The following YJU2B variants were observed in gnomAD, a reference collection of about 807,000 sequenced individuals.
YJU2B encodes YJU2 splicing factor homolog B.
YJU2B carries 18 observed loss-of-function variants against 38.0 expected under a neutral mutation model. The observed-to-expected ratio is 0.47, with a 90% CI of 0.33 to 0.70. The LOEUF (loss-of-function observed/expected upper bound fraction) is 0.70, where lower values mean the gene tolerates loss of function less well. YJU2B is among the 30% of genes least tolerant of loss of function. The pLI, the probability that YJU2B is intolerant of heterozygous loss-of-function variation, is 0.02. For synonymous variants in YJU2B, 246 were observed against 225.4 expected, an observed-to-expected ratio of 1.09 and a Z score of -0.82; for missense variants, 538 against 556.3, an observed-to-expected ratio of 0.97 and a Z score of 0.33.
chr19:13,759,182 G>A lies in YJU2B; in HGVS notation c.483G>A (p.Lys161=), dbSNP rs752915329. 2.5e-6 allele frequency: 4 copies of A among 1,613,524 alleles called. No homozygotes were observed. Among genetic ancestry groups the A allele is most frequent in the Non-Finnish European group, 3.4e-6 (4 of 1,179,786 alleles). Reference sequence around the variant, plus strand: ...AGGCCGACCGCAGCACACTCAAGAAGGCGCTGCCCACACTGAGCCACATCC... The same window carrying A: ...AGGCCGACCGCAGCACACTCAAGAAAGCGCTGCCCACACTGAGCCACATCC... ...HGEADRSTLK[K]ALPTLSHIQE... is the part of the protein sequence containing the mutation. Residue 161 remains lysine, a synonymous_variant, in exon 8 of 10, where the codon AAG becomes AAA. Transcript: ENST00000221554.
chr19:13,741,641 G>A (rs1173426661), intron 2 of YJU2B, among the ~76,000 whole-genome samples: 2 of 151,964 alleles, frequency 1.3e-5, no homozygotes, highest in African/African-American at 4.8e-5. Flanking sequence ...AAAAGCTGAG[G>A]TGTGAGGACG....
rs937845208 is a variant in YJU2B, at chr19:13,751,589, ACT to A, written c.-201-12_-201-11del. The A allele has an allele frequency of 9.5e-5, 55 of 580,246 alleles. No individual in the cohort carries two copies. The highest frequency in any genetic ancestry group is 8.7e-4 in the African/African-American group (46 of 53,074). 35.9% of individuals were successfully genotyped at this position (580,246 alleles called of 1,614,324 possible). A position where few individuals can be genotyped will look rare whatever the true frequency, so the allele number is the denominator to read the frequency against. On this transcript the variant is annotated splice_polypyrimidine_tract_variant and intron_variant, in intron 1 of 9. Transcript: ENST00000221554. ...GTATATTGGCTGTAGAGTGGACGGG[ACT>A]CTCTCTTTCTAAACAGACACGCCGC...
chr19:13,748,907 G>A (rs1252267061), intron 1 of YJU2B, among the ~76,000 whole-genome samples: 1 of 152,200 alleles, frequency 6.6e-6, no homozygotes, highest in Admixed American at 6.5e-5. Context: ...ACAAGACTAA[G>A]GTGAGGGTAG....
chr19:13,754,757 G>T (rs146606559), intron 3 of YJU2B, among the ~76,000 whole-genome samples: 4 of 152,144 alleles, frequency 2.6e-5, no homozygotes, highest in African/African-American at 9.6e-5. Flanking sequence ...GTTCTCTGTT[G>T]CATTGCTGAG....
At position 13,757,803 on chromosome 19, in the gene YJU2B, G is replaced by C; in HGVS notation, c.214G>C (p.Glu72Gln). 1 of 1,614,076 alleles carries C rather than the reference G, an allele frequency of 6.2e-7. No individual in the cohort carries two copies. The highest frequency in any genetic ancestry group is 8.5e-7 in the Non-Finnish European group (1 of 1,180,008). The stretch of plus-strand genomic sequence containing the variant: ...CCTTCCAGGTGTTCGTTACAATGCA[G>C]AAAAGAAGAAGGTGGGCAATTACTA... ...HIGMGVRYNAEKKKVGNYYTT... is the reference protein window; with the variant it reads ...HIGMGVRYNAQKKKVGNYYTT... Residue 72 changes from glutamate to glutamine, a missense_variant, in exon 6 of 10, where the codon GAA becomes CAA. By Grantham distance (29) the Glu-to-Gln change is conservative. Around this residue, in one of 2 missense-constraint regions of YJU2B, gnomAD observed 488 missense variants for 469.5 expected, o/e 1.04. Coordinates refer to ENST00000221554, the MANE Select transcript of YJU2B (RefSeq NM_030818.4).
intron 4 of YJU2B, 139 bp downstream of exon 4, chr19:13,756,418 T>G: frequency 1.5e-6 from 1 of 681,046 alleles, no homozygotes; most frequent in Non-Finnish European, 2.6e-6. Flanking sequence ...AGTCAGTTAT[T>G]GCCGTGTGAC....
chr19:13,745,692 T>TAGATAGATAGATAG (rs57681294), upstream of YJU2B, among the ~76,000 whole-genome samples: 9 of 93,306 alleles, frequency 9.6e-5, no homozygotes, highest in African/African-American at 3.1e-4. Context: ...GATAGATAGA[T>TAGATAGATAGATAG]ATAGATATAT....
rs1973921312 is a variant in YJU2B, at chr19:13,762,338, C to A, written c.613C>A (p.Gln205Lys). Residue 205 changes from glutamine to lysine, a missense_variant, in exon 9 of 10, where the codon CAG becomes AAG. Gln to Lys is a moderately conservative substitution (Grantham distance 53). Transcript: ENST00000221554. ...KAIQEEEERDQALQAKASLTI... is the reference protein window; with the variant it reads ...KAIQEEEERDKALQAKASLTI... ...CATCCAGGAGGAGGAGGAGAGAGACCAGGCCTTGCAGGCCAAGGCGAGCCT... is the reference window on the plus strand; with the variant it reads ...CATCCAGGAGGAGGAGGAGAGAGACAAGGCCTTGCAGGCCAAGGCGAGCCT... 1 of 1,613,894 alleles carries A rather than the reference C, an allele frequency of 6.2e-7. No individual in the cohort carries two copies. Among genetic ancestry groups the A allele is most frequent in the Non-Finnish European group, 8.5e-7 (1 of 1,180,012 alleles).
chr19:13,759,007 A>G lies in YJU2B; in HGVS notation c.397A>G (p.Thr133Ala). ...GGCGGACAATGAGCAGGTGCTGACC[A>G]CAGGTGAGCGCCACCCACTTACCTG... The part of the protein sequence containing the change: ...DMADNEQVLT[T>A]EHEKKQKLET... The change falls in exon 7 of 10, where the codon ACA becomes GCA. Residue 133 changes from threonine (T) to alanine (A), a missense_variant. Thr to Ala is a moderately conservative substitution (Grantham distance 58, BLOSUM62 0). Coordinates refer to ENST00000221554, the MANE Select transcript of YJU2B (RefSeq NM_030818.4). The G allele has an allele frequency of 6.2e-7, 1 of 1,613,146 alleles. No individual in the cohort carries two copies. The highest frequency in any genetic ancestry group is 8.5e-7 in the Non-Finnish European group (1 of 1,179,550).
Position 13,757,645 on chromosome 19 carries a change from T to C in YJU2B, c.197-141T>C. On this transcript the variant is annotated intron_variant, in intron 5 of 9. Transcript: ENST00000221554. The stretch of plus-strand genomic sequence containing the variant: ...TTGCAGAGGGATTAGGAAGCCAGGC[T>C]CTGGCTTCCAATCCCGTCTCTAACT... The C allele has an allele frequency of 1.3e-5, 14 of 1,074,804 alleles. 1 individual carries two copies. In the South Asian group the frequency reaches 1.4e-4, roughly 11 times the overall value. 66.6% of individuals were successfully genotyped at this position (1,074,804 alleles called of 1,614,324 possible).
rs1012484767 is a variant in YJU2B at position 13,757,928 on chromosome 19, G to A, written c.257+82G>A. ...GCTACAAAGAGCCTGAGTTGCGGGG[G>A]GAACCCATTCCCTGCAGGACTCCTG... On this transcript the variant is annotated intron_variant, in intron 6 of 9. Coordinates refer to ENST00000221554, the MANE Select transcript of YJU2B (RefSeq NM_030818.4). The A allele has an allele frequency of 2.2e-5, 27 of 1,243,634 alleles. No individual in the cohort carries two copies. The Admixed American group carries it at 3.5e-4, about 16-fold the overall frequency. The allele number at this position is 1,243,634 out of a possible 1,614,324, so 77.0% of individuals were successfully genotyped here. A position where few individuals can be genotyped will look rare whatever the true frequency, so the allele number is the denominator to read the frequency against.
At chr19:13,752,882 A>C (rs1042546579) in intron 2 of YJU2B, among the ~76,000 whole-genome samples, 4 of 151,742 alleles carry the variant, frequency 2.6e-5, no homozygotes, top group African/African-American at 4.8e-5. Flanking sequence ...CACTGCACCC[A>C]AGCCTGCGTG....
chr19:13,739,777 C>G lies in YJU2B; in HGVS notation c.-202+7492C>G, dbSNP rs140976144. Reference sequence around the variant, plus strand: ...TAAGTTCTGGGATACATGTGCAGAACGTGCAGGTTTGTTACACAGCTATAT... The same window carrying G: ...TAAGTTCTGGGATACATGTGCAGAAGGTGCAGGTTTGTTACACAGCTATAT... On this transcript the variant is annotated intron_variant, in intron 2 of 10. Transcript: ENST00000586600. Among the ~76,000 whole-genome samples, 1,242 of 152,126 alleles carry G rather than the reference C, an allele frequency of 8.2e-3. 16 individuals carry two copies. Among genetic ancestry groups the G allele is most frequent in the African/African-American group, 0.029 (1,194 of 41,504 alleles).
intron 2 of YJU2B, among the ~76,000 whole-genome samples, chr19:13,742,689 C>T (rs1399190800): frequency 6.6e-6 from 1 of 152,206 alleles, no homozygotes; most frequent in Non-Finnish European, 1.5e-5. Flanking sequence ...CCATCACTTG[C>T]CCTGTGCATT....
In YJU2B at chr19:13,742,294, C is replaced by CTTTTT. The variant is rs552865402; in HGVS notation, c.-201-9290_-201-9286dup. Reference sequence around the variant, plus strand: ...CCATCTGGTCCTTCTTTGAGTCCCACTTTTTTTTTTTTTTTTTTTTTTTTT... The same window carrying CTTTTT: ...CCATCTGGTCCTTCTTTGAGTCCCACTTTTTTTTTTTTTTTTTTTTTTTTTTTTTT... On this transcript the variant is annotated intron_variant, in intron 2 of 10. Coordinates refer to the YJU2B transcript ENST00000586600. Among the ~76,000 whole-genome samples, 22 of 111,978 alleles carry CTTTTT rather than the reference C, an allele frequency of 2.0e-4. 1 individual carries two copies. Among genetic ancestry groups the CTTTTT allele is most frequent in the African/African-American group, 6.5e-4 (18 of 27,644 alleles). 73.5% of individuals were successfully genotyped at this position (111,978 alleles called of 152,430 possible).
rs1973800911 is a variant in YJU2B, at chr19:13,759,435, C to G, written c.573+163C>G. The stretch of plus-strand genomic sequence containing the variant: ...TGACCATGCCCTGTCTTAATCCATT[C>G]TGGCTACTATAATAAAAAATACCAT... On this transcript the variant is annotated intron_variant, in intron 8 of 9. Transcript: ENST00000221554. The G allele has an allele frequency of 5.0e-6, 3 of 602,846 alleles. No individual in the cohort carries two copies. In the East Asian group the frequency reaches 8.9e-5, roughly 18 times the overall value. The allele number at this position is 602,846 out of a possible 1,614,324, so 37.3% of individuals were successfully genotyped here.
Position 13,753,574 on chromosome 19 carries a change from C to CAAA in YJU2B, c.4-693_4-691dup, listed in dbSNP as rs34397712. On this transcript the variant is annotated intron_variant, in intron 2 of 9. Coordinates refer to ENST00000221554, the MANE Select transcript of YJU2B (RefSeq NM_030818.4). ...GGGCAACAAGAGTGAAACTCTGTCT[C>CAAA]AAAAAAAAAAAAAAAAAAAAAAAAG... Among the ~76,000 whole-genome samples the CAAA allele has an allele frequency of 1.4e-3, 97 of 71,716 alleles. 1 individual carries two copies. The highest frequency in any genetic ancestry group is 3.4e-3 in the East Asian group (7 of 2,036). The allele number at this position is 71,716 out of a possible 152,430, so 47.0% of individuals were successfully genotyped here.
upstream of YJU2B, among the ~76,000 whole-genome samples, chr19:13,745,746 T>TAG (rs1032053698): frequency 3.5e-5 from 5 of 142,394 alleles, no homozygotes; most frequent in African/African-American, 1.1e-4. Context: ...TATATATAGA[T>TAG]ATATATATAT....
At chr19:13,760,638 G>C (rs1431374437) in intron 8 of YJU2B, among the ~76,000 whole-genome samples, 1 of 151,708 alleles carries the variant, frequency 6.6e-6, no homozygotes, top group Admixed American at 6.6e-5. Context: ...CTGTTGCCCA[G>C]GCTGGAGTAC....
Sources: allele counts gnomAD v4.1 joint callset (sites outside exome capture counted in the v4.1 genomes callset), GRCh38; gene constraint gnomAD v4.1.1; regional missense constraint gnomAD v4.1.1; transcripts MANE v1.5; gene names NCBI Gene and HGNC (gene_info 2026-07-23, HGNC 2026-07-21).